Variants in CHODL observed in about 807,000 individuals in gnomAD.
CHODL encodes transmembrane protein MT75.
In CHODL, 29 loss-of-function variants were observed where a neutral mutation model predicts 34.5. The observed-to-expected ratio is 0.84, with a 90% CI of 0.63 to 1.15. The LOEUF is 1.15. CHODL is among the 50% of genes most tolerant of loss of function. The pLI is 0.00. For synonymous variants in CHODL, 125 were observed against 116.1 expected (o/e 1.08, Z -0.49); for missense variants, 332 against 332.5 (o/e 1.00, Z 0.01).
chr21:17,917,427 C>T (rs2205377), intron 1 of CHODL: 2 of 152,142 alleles, frequency 1.3e-5, no homozygotes, highest in Admixed American at 1.3e-4. Context: ...GTATTTATAT[C>T]TATATCCTTA....
At chr21:18,047,912 A>G (rs1165219565) in intron 2 of CHODL, among the ~76,000 whole-genome samples, 2 of 151,984 alleles carry the variant, frequency 1.3e-5, no homozygotes, top group South Asian at 2.1e-4. Context: ...TTAATGTTCC[A>G]TAACCAAAAC....
chr21:18,005,236 T>A (rs181712998), intron 1 of CHODL, among the ~76,000 whole-genome samples: 1 of 152,252 alleles, frequency 6.6e-6, no homozygotes, highest in Non-Finnish European at 1.5e-5. Context: ...CTCTGTTGTC[T>A]CAATTTCTTT....
intron 2 of CHODL, among the ~76,000 whole-genome samples, chr21:18,143,303 C>T (rs2146613319): frequency 6.6e-6 from 1 of 152,198 alleles, no homozygotes; most frequent in South Asian, 2.1e-4. Flanking sequence ...ACATTTGTGT[C>T]GATTGATTTG....
chr21:18,058,832 A>T (rs1388688846), intron 2 of CHODL, among the ~76,000 whole-genome samples: 1 of 152,114 alleles, frequency 6.6e-6, no homozygotes, highest in East Asian at 1.9e-4. Context: ...TTACAGGATA[A>T]TTCTCCCATA....
At chr21:17,945,015 C>A (rs1166781147) in intron 1 of CHODL, among the ~76,000 whole-genome samples, 1 of 151,990 alleles carries the variant, frequency 6.6e-6, no homozygotes, top group African/African-American at 2.4e-5. Context: ...TCGAGACCAT[C>A]CTGGCTAACA....
chr21:18,136,832 A>G (rs2146603940), intron 2 of CHODL, among the ~76,000 whole-genome samples: 1 of 149,898 alleles, frequency 6.7e-6, no homozygotes, highest in South Asian at 2.1e-4. Flanking sequence ...ATATATAAAT[A>G]GTTTTTGTTA....
At chr21:17,947,945 T>G (rs1245085608) in intron 1 of CHODL, among the ~76,000 whole-genome samples, 1 of 152,176 alleles carries the variant, frequency 6.6e-6, no homozygotes, top group African/African-American at 2.4e-5. Context: ...ATGTGGCATA[T>G]ATATACTATG....
chr21:18,162,348 T>C (rs2146644824), intron 2 of CHODL, among the ~76,000 whole-genome samples: 1 of 152,146 alleles, frequency 6.6e-6, no homozygotes, highest in East Asian at 1.9e-4. Flanking sequence ...TGCTGACAAT[T>C]TTGGTATTTG....
intron 1 of CHODL, among the ~76,000 whole-genome samples, chr21:17,951,561 T>A (rs1425868740): frequency 6.6e-6 from 1 of 152,196 alleles, no homozygotes; most frequent in Non-Finnish European, 1.5e-5. Context: ...ACATGTTAGA[T>A]TTAGCAGGCA....
chr21:18,058,471 G>A (rs2064611940), intron 2 of CHODL, among the ~76,000 whole-genome samples: 1 of 115,362 alleles, frequency 8.7e-6, no homozygotes, highest in African/African-American at 2.9e-5. Flanking sequence ...CAGATGAATG[G>A]ATAAAGAAAA....
chr21:18,014,887 GC>G (rs2064057301), intron 1 of CHODL, among the ~76,000 whole-genome samples: 1 of 152,138 alleles, frequency 6.6e-6, no homozygotes. Flanking sequence ...TGCAAAAATG[GC>G]CTAATACAGA....
intron 1 of CHODL, among the ~76,000 whole-genome samples, chr21:17,950,743 A>C (rs2063450519): frequency 6.6e-6 from 1 of 152,118 alleles, no homozygotes; most frequent in African/African-American, 2.4e-5. Context: ...AAGTATAAGG[A>C]TAGCATGCCA....
intron 2 of CHODL, among the ~76,000 whole-genome samples, chr21:18,195,223 T>A (rs1251557206): frequency 6.6e-6 from 1 of 151,824 alleles, no homozygotes; most frequent in East Asian, 1.9e-4. Context: ...CCTGGCTAAT[T>A]TTTTGTATTT....
intron 1 of CHODL, among the ~76,000 whole-genome samples, chr21:18,024,425 G>C (rs1354879956): frequency 6.6e-6 from 1 of 152,060 alleles, no homozygotes; most frequent in Non-Finnish European, 1.5e-5. Context: ...ATTCTAAACT[G>C]GTTTATTTAG....
rs944422557 is a variant in CHODL at position 18,245,895 on chromosome 21, G to A, written c.79+593G>A. On this transcript the variant is annotated intron_variant, in intron 1 of 5. Transcript: ENST00000299295. ...CCTTTGCACACTGCGTTCCAAGTTG[G>A]GGACTTCCCAGAAAATGAAGTCAGC... is the stretch of plus-strand genomic sequence containing the variant. The A allele has an allele frequency of 3.3e-6, 5 of 1,535,214 alleles. No individual in the cohort carries two copies. The African/African-American group carries it at 4.1e-5, about 13-fold the overall frequency.
At chr21:17,951,372 G>T (rs1368856625) in intron 1 of CHODL, among the ~76,000 whole-genome samples, 1 of 152,120 alleles carries the variant, frequency 6.6e-6, no homozygotes, top group Non-Finnish European at 1.5e-5. Flanking sequence ...ATAAGGCAAG[G>T]CTTTCTCTCT....
intron 1 of CHODL, chr21:18,245,810 T>C: frequency 9.5e-7 from 1 of 1,047,646 alleles, no homozygotes; most frequent in Non-Finnish European, 1.4e-6. Context: ...ATTCGGTCTT[T>C]GTTCTCAGCA....
intron 2 of CHODL, among the ~76,000 whole-genome samples, chr21:18,146,038 G>C (rs745696863): frequency 1.3e-5 from 2 of 151,924 alleles, no homozygotes; most frequent in African/African-American, 2.4e-5. Context: ...GAGCAATCTC[G>C]GATCATTGCA....
At chr21:18,101,230 G>T (rs1412206715) in intron 2 of CHODL, among the ~76,000 whole-genome samples, 1 of 152,126 alleles carries the variant, frequency 6.6e-6, no homozygotes, top group East Asian at 1.9e-4. Context: ...CGTGTAAGAC[G>T]TGACTTGCTC....
Sources: gnomAD v4.1 joint callset for allele counts (sites outside exome capture counted in the v4.1 genomes callset) on GRCh38, gnomAD v4.1.1 for gene constraint, MANE v1.5 for transcripts, NCBI Gene and HGNC (gene_info 2026-07-23, HGNC 2026-07-21) for gene names.